The following MKX variants were observed in gnomAD, a reference collection of about 807,000 sequenced individuals.
MKX encodes the protein mohawk homeobox.
In MKX, 13 loss-of-function variants were observed where a neutral mutation model predicts 36.0. That is an observed-to-expected ratio of 0.36 (90% CI 0.24 to 0.57). The LOEUF (loss-of-function observed/expected upper bound fraction) is 0.57, where lower values mean the gene tolerates loss of function less well. Ranked by LOEUF, MKX falls within the 20% of genes least tolerant of loss-of-function variation. The pLI, the probability that MKX is intolerant of heterozygous loss-of-function variation, is 0.79. For synonymous variants in MKX, 176 were observed against 178.3 expected, an observed-to-expected ratio of 0.99 and a Z score of 0.10; for missense variants, 458 against 456.4, an observed-to-expected ratio of 1.00 and a Z score of -0.03.
At chr10:27,683,026 C>T (rs1228884816) in intron 5 of MKX, among the ~76,000 whole-genome samples, 2 of 151,898 alleles carry the variant, frequency 1.3e-5, no homozygotes, top group Non-Finnish European at 2.9e-5. Flanking sequence ...AAGAAGCGCA[C>T]AACTACATGC....
chr10:27,687,660 G>A (rs958361399), intron 5 of MKX, among the ~76,000 whole-genome samples: 15 of 152,170 alleles, frequency 9.9e-5, no homozygotes, highest in African/African-American at 2.9e-4. Flanking sequence ...CCCAGTGATC[G>A]TTTTCACTAA....
chr10:27,675,922 G>A (rs1836138583), intron 5 of MKX, among the ~76,000 whole-genome samples: 1 of 152,160 alleles, frequency 6.6e-6, no homozygotes, highest in African/African-American at 2.4e-5. Flanking sequence ...AGTGTAACCT[G>A]GGGGCAGATT....
chr10:27,736,628 T>C (rs1211044958), intron 3 of MKX, among the ~76,000 whole-genome samples: 1 of 152,018 alleles, frequency 6.6e-6, no homozygotes, highest in African/African-American at 2.4e-5. Flanking sequence ...ATGTTTGCAC[T>C]GGAAATTTCT....
chr10:27,694,567 C>T (rs996211270), intron 5 of MKX, among the ~76,000 whole-genome samples: 7 of 146,876 alleles, frequency 4.8e-5, no homozygotes, highest in Admixed American at 2.7e-4. Context: ...GTGTGGCGGG[C>T]GCCTGTAGTC....
In MKX at chr10:27,734,053, C is replaced by A. The variant is rs537197522; in HGVS notation, c.838+403G>T. Among the ~76,000 whole-genome samples the A allele has an allele frequency of 9.9e-5, 15 of 152,170 alleles. No homozygotes were observed. The South Asian group carries it at 2.1e-3, about 21-fold the overall frequency. ...TTGCAGGACTGGCCACAATCCGGCA[C>A]TATCCTCTATTATAAATTATTCATA... is the stretch of plus-strand genomic sequence containing the variant. On this transcript the variant is annotated intron_variant, in intron 5 of 6. Coordinates refer to ENST00000419761, the MANE Select transcript of MKX (RefSeq NM_173576.3).
intron 3 of MKX, among the ~76,000 whole-genome samples, chr10:27,740,789 G>A (rs1194461811): frequency 6.6e-6 from 1 of 152,182 alleles, no homozygotes; most frequent in Non-Finnish European, 1.5e-5. Context: ...AAATAAGTGT[G>A]TGTGGGGGGT....
Position 27,673,071 on chromosome 10 carries a change from T to C in MKX, c.*2158A>G, listed in dbSNP as rs571544996. ...TTTTAAAGGACTGGGGGGATTTTAATATCCAGAAAATGTTAAAGCAGCAAA... is the reference window on the plus strand; with the variant it reads ...TTTTAAAGGACTGGGGGGATTTTAACATCCAGAAAATGTTAAAGCAGCAAA... On this transcript the variant is annotated 3_prime_UTR_variant, in exon 7 of 7. Coordinates refer to ENST00000419761, the MANE Select transcript of MKX (RefSeq NM_173576.3). 1.3e-5 allele frequency: 2 copies of C among 152,312 alleles called. No homozygotes were observed. Among genetic ancestry groups the C allele is most frequent in the African/African-American group, 4.8e-5 (2 of 41,582 alleles). The allele number at this position is 152,312 out of a possible 1,614,324, so 9.4% of individuals were successfully genotyped here.
At chr10:27,680,522 A>G (rs1404246656) in intron 5 of MKX, among the ~76,000 whole-genome samples, 1 of 152,182 alleles carries the variant, frequency 6.6e-6, no homozygotes, top group Non-Finnish European at 1.5e-5. Flanking sequence ...CTCAGTTCCA[A>G]TGCAACTTGA....
rs926158638 is a variant in MKX, at chr10:27,675,096, G to A, written c.*133C>T. 2 of 708,226 alleles carry A rather than the reference G, an allele frequency of 2.8e-6. No individual in the cohort carries two copies. Among genetic ancestry groups the A allele is most frequent in the East Asian group, 5.6e-5 (2 of 35,678 alleles). 43.9% of individuals were successfully genotyped at this position (708,226 alleles called of 1,614,324 possible). A position where few individuals can be genotyped will look rare whatever the true frequency, so the allele number is the denominator to read the frequency against. On this transcript the variant is annotated 3_prime_UTR_variant, in exon 7 of 7. Coordinates refer to ENST00000419761, the MANE Select transcript of MKX (RefSeq NM_173576.3). ...ATGTCTTTTATAGAAGCAACTAAAT[G>A]ATATATTTGGGATAATTAAAAATAA...
intron 5 of MKX, among the ~76,000 whole-genome samples, chr10:27,729,584 G>A (rs938745552): frequency 6.6e-6 from 1 of 152,072 alleles, no homozygotes; most frequent in Non-Finnish European, 1.5e-5. Flanking sequence ...TGGGATTACA[G>A]GCATGAGCCA....
intron 5 of MKX, among the ~76,000 whole-genome samples, chr10:27,732,849 G>A (rs1834662779): frequency 6.6e-6 from 1 of 152,014 alleles, no homozygotes; most frequent in Admixed American, 6.6e-5. Context: ...CTGGGCTCAA[G>A]CGGTCCTCCC....
chr10:27,722,192 C>T (rs1393153485), intron 5 of MKX, among the ~76,000 whole-genome samples: 1 of 152,184 alleles, frequency 6.6e-6, no homozygotes, highest in Non-Finnish European at 1.5e-5. Flanking sequence ...AAACACGTGA[C>T]ATCTACCCTC....
chr10:27,723,701 T>C (rs1589686127), intron 5 of MKX, among the ~76,000 whole-genome samples: 5 of 152,364 alleles, frequency 3.3e-5, no homozygotes, highest in African/African-American at 1.2e-4. Context: ...TCTGAAGCCA[T>C]GTGACATACC....
chr10:27,707,795 T>C (rs1435464702), intron 5 of MKX, among the ~76,000 whole-genome samples: 1 of 152,256 alleles, frequency 6.6e-6, no homozygotes, highest in Non-Finnish European at 1.5e-5. Context: ...GAAATGTTCC[T>C]CTAGCTAATC....
chr10:27,688,065 T>G (rs1031151866), intron 5 of MKX, among the ~76,000 whole-genome samples: 3 of 152,010 alleles, frequency 2.0e-5, no homozygotes, highest in African/African-American at 7.2e-5. Flanking sequence ...TTATCACCTA[T>G]TAAATGAAGA....
intron 5 of MKX, among the ~76,000 whole-genome samples, chr10:27,695,452 CAT>C (rs1198753056): frequency 6.6e-6 from 1 of 151,540 alleles, no homozygotes; most frequent in African/African-American, 2.4e-5. Flanking sequence ...AAAAAAATCT[CAT>C]ATTTTCCATG....
At chr10:27,694,527 A>AAATATATATATATATAT (rs547670335) in intron 5 of MKX, among the ~76,000 whole-genome samples, 3 of 114,344 alleles carry the variant, frequency 2.6e-5, no homozygotes, top group African/African-American at 1.0e-4. Flanking sequence ...AAAAAAAAAA[A>AAATATATATATATATAT]ATATATATAT....
At chr10:27,721,679 C>A (rs148528746) in intron 5 of MKX, among the ~76,000 whole-genome samples, 1 of 152,070 alleles carries the variant, frequency 6.6e-6, no homozygotes, top group African/African-American at 2.4e-5. Flanking sequence ...GCATGTTGGG[C>A]TTAATACCTA....
intron 5 of MKX, among the ~76,000 whole-genome samples, chr10:27,699,933 A>T (rs1836622590): frequency 6.6e-6 from 1 of 152,234 alleles, no homozygotes; most frequent in African/African-American, 2.4e-5. Flanking sequence ...CAACTTGCTT[A>T]TGTTCAGCTG....
Sources: gnomAD v4.1 joint callset for allele counts (sites outside exome capture counted in the v4.1 genomes callset) on GRCh38, gnomAD v4.1.1 for gene constraint, MANE v1.5 for transcripts, NCBI Gene and HGNC (gene_info 2026-07-23, HGNC 2026-07-21) for gene names.